Variants in BMPER observed in about 807,000 individuals in gnomAD.
BMPER encodes the protein BMP binding endothelial regulator.
In BMPER, 45 loss-of-function variants were observed where a neutral mutation model predicts 87.3. The ratio of observed to expected loss-of-function variants is 0.52; its 90% CI spans 0.41 to 0.66. BMPER has a LOEUF of 0.66. Ranked by LOEUF, BMPER falls within the 30% of genes least tolerant of loss-of-function variation. BMPER has a pLI of 0.00. For missense variants in BMPER, 784 were observed against 867.5 expected (o/e 0.90, Z 1.21); for synonymous variants, 326 against 316.2 (o/e 1.03, Z -0.33).
At chr7:33,949,797 CA>C (rs1287024153) in intron 3 of BMPER, among the ~76,000 whole-genome samples, 1 of 152,076 alleles carries the variant, frequency 6.6e-6, no homozygotes, top group African/African-American at 2.4e-5. Flanking sequence ...GACAAAAAAA[CA>C]AGAGGGATTT....
Position 34,079,111 on chromosome 7 carries a change from A to G in BMPER, c.1333A>G (p.Ile445Val), listed in dbSNP as rs779054835. Residue 445 changes from isoleucine to valine, a missense_variant, in exon 12 of 15, where the codon ATC (isoleucine) becomes GTC (valine). By Grantham distance (29) the Ile-to-Val change is conservative. Transcript: ENST00000649409. ...HLTVRWNGSR[I>V]ALPCRAPHFH... Reference sequence around the variant, plus strand: ...CACCGTGCGCTGGAACGGCTCGCGCATCGCGCTCCCCTGCCGCGCGCCACA... The same window carrying G: ...CACCGTGCGCTGGAACGGCTCGCGCGTCGCGCTCCCCTGCCGCGCGCCACA... The G allele has an allele frequency of 6.2e-7, 1 of 1,613,514 alleles. No homozygotes were observed. Among genetic ancestry groups the G allele is most frequent in the East Asian group, 2.2e-5 (1 of 44,838 alleles).
chr7:34,133,267 T>C (rs1001362719), intron 13 of BMPER, among the ~76,000 whole-genome samples: 2 of 152,038 alleles, frequency 1.3e-5, no homozygotes, highest in Non-Finnish European at 2.9e-5. Flanking sequence ...GGGCTGAAAG[T>C]TGAGTTGATC....
chr7:34,110,165 T>A (rs116713308), intron 13 of BMPER, among the ~76,000 whole-genome samples: 3,496 of 152,248 alleles, frequency 0.023, 122 homozygotes, highest in African/African-American at 0.078. Context: ...GGCTGTGCAC[T>A]GTAGTTTGCA....
At chr7:34,013,200 A>G (rs985249331) in intron 6 of BMPER, among the ~76,000 whole-genome samples, 2 of 151,832 alleles carry the variant, frequency 1.3e-5, no homozygotes, top group Non-Finnish European at 1.5e-5. Context: ...CTGTTTCTCT[A>G]AAGTTCCCTG....
intron 1 of BMPER, among the ~76,000 whole-genome samples, chr7:33,906,447 G>A (rs191529048): frequency 7.3e-6 from 1 of 137,856 alleles, no homozygotes; most frequent in South Asian, 2.5e-4. Flanking sequence ...CCAATTTGAG[G>A]GTTTTTTTAA....
chr7:34,023,612 G>C (rs544306626), intron 6 of BMPER, among the ~76,000 whole-genome samples: 1 of 151,996 alleles, frequency 6.6e-6, no homozygotes, highest in African/African-American at 2.4e-5. Flanking sequence ...CTTCTGAGGA[G>C]GGCCTAAATG....
intron 1 of BMPER, among the ~76,000 whole-genome samples, chr7:33,906,051 A>G (rs924755006): frequency 6.6e-6 from 1 of 152,166 alleles, no homozygotes; most frequent in African/African-American, 2.4e-5. Context: ...CCCTCTGTAG[A>G]ACTCAGGAAA....
intron 6 of BMPER, among the ~76,000 whole-genome samples, chr7:34,031,200 G>A (rs1585755364): frequency 6.6e-6 from 1 of 151,930 alleles, no homozygotes; most frequent in Non-Finnish European, 1.5e-5. Flanking sequence ...TTTAAAAATG[G>A]TAATAGTGGC....
chr7:34,046,430 G>A, intron 7 of BMPER, 25 bp downstream of exon 7: 1 of 1,596,550 alleles, frequency 6.3e-7, no homozygotes, highest in Admixed American at 1.7e-5. Context: ...TCAGGTCAAA[G>A]AACAATGTAA....
intron 6 of BMPER, among the ~76,000 whole-genome samples, chr7:34,036,570 C>T (rs1166609505): frequency 6.6e-6 from 1 of 152,108 alleles, no homozygotes; most frequent in Non-Finnish European, 1.5e-5. Context: ...GTCCAGCTAT[C>T]ATTCAGCACC....
At chr7:34,039,714 A>G (rs1217500846) in intron 6 of BMPER, among the ~76,000 whole-genome samples, 3 of 152,024 alleles carry the variant, frequency 2.0e-5, no homozygotes, top group Non-Finnish European at 2.9e-5. Flanking sequence ...ATGTATATGT[A>G]TATGTATATA....
Position 34,029,770 on chromosome 7 carries a change from A to G in BMPER, c.577-16536A>G, listed in dbSNP as rs573038024. The stretch of plus-strand genomic sequence containing the variant: ...AAAGACAGGAGAAAGACCTGGCTGA[A>G]ATATTCCTCAGGATAGCCTACAAAT... On this transcript the variant is annotated intron_variant, in intron 6 of 14. Transcript: ENST00000649409. 2.0e-5 allele frequency among the ~76,000 whole-genome samples: 3 copies of G among 152,242 alleles called. No homozygotes were observed. In the South Asian group the frequency reaches 6.2e-4, roughly 32 times the overall value.
chr7:34,151,097 G>T (rs1791163821), intron 14 of BMPER, among the ~76,000 whole-genome samples: 1 of 152,116 alleles, frequency 6.6e-6, no homozygotes, highest in South Asian at 2.1e-4. Context: ...CAAGGCACTG[G>T]AGTCCACCAT....
At chr7:34,091,177 T>G (rs1789369787) in intron 13 of BMPER, among the ~76,000 whole-genome samples, 1 of 152,186 alleles carries the variant, frequency 6.6e-6, no homozygotes, top group African/African-American at 2.4e-5. Flanking sequence ...CTTTGTATGT[T>G]CTTACAAAGG....
At chr7:33,914,989 T>C (rs865800754) in intron 2 of BMPER, among the ~76,000 whole-genome samples, 1 of 152,226 alleles carries the variant, frequency 6.6e-6, no homozygotes, top group African/African-American at 2.4e-5. Context: ...CCTGCGTATT[T>C]GCACATGGGA....
intron 6 of BMPER, among the ~76,000 whole-genome samples, chr7:33,991,794 CCCAGAGATT>C (rs1409025924): frequency 1.4e-5 from 2 of 147,680 alleles, no homozygotes; most frequent in Non-Finnish European, 3.0e-5. Context: ...TTGAATGCGT[CCCAGAGATT>C]CTGGTATGTT....
chr7:33,918,562 A>G (rs752667583), intron 2 of BMPER, among the ~76,000 whole-genome samples: 1 of 152,194 alleles, frequency 6.6e-6, no homozygotes, highest in African/African-American at 2.4e-5. Context: ...AGACATTCAC[A>G]TAGCAGTGTT....
intron 14 of BMPER, among the ~76,000 whole-genome samples, chr7:34,144,311 A>G (rs751818337): frequency 2.0e-4 from 30 of 151,738 alleles, no homozygotes; most frequent in Admixed American, 3.3e-4. Context: ...AGGAAGGTGG[A>G]GTAGGAGCAG....
intron 3 of BMPER, among the ~76,000 whole-genome samples, chr7:33,947,682 A>G (rs1364475930): frequency 6.6e-6 from 1 of 152,226 alleles, no homozygotes; most frequent in African/African-American, 2.4e-5. Context: ...TGTGAAATTT[A>G]AGAGAATTGA....
Sources: allele counts gnomAD v4.1 joint callset (sites outside exome capture counted in the v4.1 genomes callset), GRCh38; gene constraint gnomAD v4.1.1; transcripts MANE v1.5; gene names NCBI Gene and HGNC (gene_info 2026-07-23, HGNC 2026-07-21).